Variants in S100A8 observed in about 807,000 individuals in gnomAD.
S100A8 encodes the protein protein S100-A8.
S100A8 carries 1 observed loss-of-function variant against 4.2 expected under a neutral mutation model. That is an observed-to-expected ratio of 0.24 (90% CI 0.08 to 1.12). The LOEUF is 1.12. S100A8 is among the 50% of genes most tolerant of loss of function. The probability of loss-of-function intolerance (pLI) is 0.53; values close to 1 mark genes in which losing one functional copy is unlikely to be tolerated. For missense variants in S100A8, 96 were observed against 111.8 expected (o/e 0.86, Z 0.64); for synonymous variants, 41 against 44.7 (o/e 0.92, Z 0.33).
chr1:153,414,603 G>A, the S100A8 span, among the ~76,000 whole-genome samples: 1 of 152,206 alleles, frequency 6.6e-6, no homozygotes, highest in Non-Finnish European at 1.5e-5. Flanking sequence ...CTGGAACACT[G>A]ACAGCACCAA....
chr1:153,411,396 T>A, the S100A8 span, among the ~76,000 whole-genome samples: 1 of 152,066 alleles, frequency 6.6e-6, no homozygotes. Context: ...TCAAAGAGAA[T>A]AAAATACCTA....
At chr1:153,418,246 A>G in the S100A8 span, 2 of 1,613,718 alleles carry the variant, frequency 1.2e-6, no homozygotes, top group Non-Finnish European at 1.7e-6. Flanking sequence ...CTAGCTTCTC[A>G]ATGTTGGTTG....
chr1:153,402,000 G>A, the S100A8 span, among the ~76,000 whole-genome samples: 3 of 152,074 alleles, frequency 2.0e-5, no homozygotes, highest in Non-Finnish European at 4.4e-5. Context: ...TGTTAGATGG[G>A]CTGTGCTTGA....
At chr1:153,418,981 C>T in the S100A8 span, among the ~76,000 whole-genome samples, 1 of 152,136 alleles carries the variant, frequency 6.6e-6, no homozygotes, top group Non-Finnish European at 1.5e-5. Context: ...ATAACACTCA[C>T]GTCCTCACCC....
At chr1:153,406,811 G>T in the S100A8 span, among the ~76,000 whole-genome samples, 5 of 152,196 alleles carry the variant, frequency 3.3e-5, no homozygotes, top group African/African-American at 1.2e-4. Flanking sequence ...GTGATAGGAT[G>T]GGGTGGGTTT....
the S100A8 span, chr1:153,417,946 A>G: frequency 4.7e-6 from 6 of 1,283,896 alleles, no homozygotes; most frequent in Non-Finnish European, 6.4e-6. Context: ...AAAAAAATCA[A>G]GTTCCTTCTG....
chr1:153,393,968 C>T (rs560163186), upstream of S100A8, among the ~76,000 whole-genome samples: 1 of 152,316 alleles, frequency 6.6e-6, no homozygotes, highest in African/African-American at 2.4e-5. Context: ...ATGTCGCCCC[C>T]TCCCCAGAAA....
the S100A8 span, among the ~76,000 whole-genome samples, chr1:153,412,739 G>A: frequency 1.3e-5 from 2 of 152,250 alleles, no homozygotes; most frequent in Admixed American, 6.5e-5. Flanking sequence ...CAACCCAAAT[G>A]TCCATCAATG....
At chr1:153,408,213 A>G in the S100A8 span, among the ~76,000 whole-genome samples, 1 of 152,218 alleles carries the variant, frequency 6.6e-6, no homozygotes, top group Non-Finnish European at 1.5e-5. Context: ...ATCGCAAAGA[A>G]GCTAAAAACT....
At chr1:153,420,242 A>G in the S100A8 span, 1 of 152,208 alleles carries the variant, frequency 6.6e-6, no homozygotes, top group Non-Finnish European at 1.5e-5. Context: ...GCAGTGTGTT[A>G]TGGGCTGAGG....
chr1:153,390,299 G>A (rs1571166812), intron 2 of S100A8, 56 bp from the exon 3 acceptor site: 11 of 1,601,968 alleles, frequency 6.9e-6, no homozygotes, highest in Non-Finnish European at 9.4e-6. Flanking sequence ...GAGAGCCGAG[G>A]CATAGCCATC....
upstream of S100A8, among the ~76,000 whole-genome samples, chr1:153,395,621 C>T (rs139689344): frequency 8.5e-5 from 13 of 152,292 alleles, no homozygotes; most frequent in Non-Finnish European, 8.8e-5. Context: ...TTTCCTAAAG[C>T]ACAGAGCTGG....
the S100A8 span, among the ~76,000 whole-genome samples, chr1:153,401,328 T>C: frequency 3.3e-5 from 5 of 152,244 alleles, no homozygotes; most frequent in Non-Finnish European, 7.3e-5. Context: ...GCACCTGTGC[T>C]AGGTGCTGTG....
the S100A8 span, among the ~76,000 whole-genome samples, chr1:153,412,672 G>A: frequency 6.6e-6 from 1 of 152,160 alleles, no homozygotes; most frequent in Non-Finnish European, 1.5e-5. Context: ...CTGCTATAAA[G>A]ACACATGCAC....
chr1:153,413,192 GA>G, the S100A8 span, among the ~76,000 whole-genome samples: 1 of 152,038 alleles, frequency 6.6e-6, no homozygotes, highest in Non-Finnish European at 1.5e-5. Flanking sequence ...ATTTAATAAA[GA>G]ACCTCAATAC....
the S100A8 span, chr1:153,418,234 G>T: frequency 1.9e-6 from 3 of 1,613,856 alleles, no homozygotes; most frequent in East Asian, 6.7e-5. Context: ...GTGAGTTGGG[G>T]TCTAGCTTCT....
the S100A8 span, chr1:153,418,264 G>T: frequency 6.2e-7 from 1 of 1,604,584 alleles, no homozygotes; most frequent in South Asian, 1.2e-5. Flanking sequence ...TTGGACCCTG[G>T]CATGGCTGAG....
chr1:153,396,468 T>A, the S100A8 span: 1 of 152,916 alleles, frequency 6.5e-6, no homozygotes, highest in Non-Finnish European at 1.5e-5. Context: ...TACACACATG[T>A]GCACACACAC....
At chr1:153,414,104 T>C in the S100A8 span, among the ~76,000 whole-genome samples, 2,744 of 152,270 alleles carry the variant, frequency 0.018, 82 homozygotes, top group African/African-American at 0.062. Context: ...AGTGATGATA[T>C]GTAACTCAAA....
Sources: allele counts gnomAD v4.1 joint callset (sites outside exome capture counted in the v4.1 genomes callset), GRCh38; gene constraint gnomAD v4.1.1; transcripts MANE v1.5; gene names NCBI Gene and HGNC (gene_info 2026-07-23, HGNC 2026-07-21).